The following IKZF2 variants were observed in gnomAD, a reference collection of about 807,000 sequenced individuals.
IKZF2 encodes the protein zinc finger protein Helios.
In IKZF2, 15 loss-of-function variants were observed where a neutral mutation model predicts 49.2. The ratio of observed to expected loss-of-function variants is 0.30; its 90% CI spans 0.20 to 0.47. The LOEUF is 0.47. Among genes scored for constraint, IKZF2 ranks in the 20% least tolerant of loss-of-function variants. IKZF2 has a pLI of 1.00. For missense variants in IKZF2, 567 were observed against 664.6 expected (o/e 0.85, Z 1.61); for synonymous variants, 227 against 221.4 (o/e 1.03, Z -0.23).
intron 4 of IKZF2, among the ~76,000 whole-genome samples, chr2:213,070,731 G>T (rs1271329435): frequency 6.6e-6 from 1 of 152,114 alleles, no homozygotes; most frequent in Non-Finnish European, 1.5e-5. Flanking sequence ...TGGGAGCACG[G>T]TCTCAGTGCA....
At chr2:213,106,984 A>G (rs1436681074) in intron 4 of IKZF2, among the ~76,000 whole-genome samples, 1 of 152,224 alleles carries the variant, frequency 6.6e-6, no homozygotes, top group Admixed American at 6.5e-5. Context: ...AACAGCAGAT[A>G]TATCATGCTG....
At chr2:213,021,358 C>T (rs1454243081) in intron 7 of IKZF2, 1 of 153,846 alleles carries the variant, frequency 6.5e-6, no homozygotes, top group Non-Finnish European at 1.4e-5. Context: ...CATTACAAAT[C>T]TTAAGAACTG....
Position 213,151,148 on chromosome 2 carries a change from C to T in IKZF2, c.-120+265G>A, listed in dbSNP as rs557095749. 8.1e-4 allele frequency among the ~76,000 whole-genome samples: 123 copies of T among 152,118 alleles called. 1 individual carries two copies. The Middle Eastern group carries it at 0.014, about 17-fold the overall frequency. ...ATCATCTTCAACCCGATTCCCTGAGCGTCCTTTACAAAAATCATTACCCTA... is the reference window on the plus strand; with the variant it reads ...ATCATCTTCAACCCGATTCCCTGAGTGTCCTTTACAAAAATCATTACCCTA... On this transcript the variant is annotated intron_variant, in intron 1 of 8. Coordinates refer to ENST00000434687, the MANE Select transcript of IKZF2 (RefSeq NM_001387220.1).
At chr2:213,084,598 A>C (rs1704353374) in intron 4 of IKZF2, among the ~76,000 whole-genome samples, 1 of 26,606 alleles carries the variant, frequency 3.8e-5, no homozygotes, top group Non-Finnish European at 6.6e-5. Context: ...CACTCTAAAA[A>C]AGAAATTGAA....
At position 213,056,989 on chromosome 2, in the gene IKZF2, G is replaced by C. The variant is rs1372102191; in HGVS notation, c.250C>G (p.Leu84Val). ...HDEGSSLEEP[L>V]IESSEVADNR... Reference sequence around the variant, plus strand: ...TCAGCCACCTCGCTGCTCTCAATTAGGGGTTCTTCTAGGCTGCTACCCTCA... The same window carrying C: ...TCAGCCACCTCGCTGCTCTCAATTACGGGTTCTTCTAGGCTGCTACCCTCA... The change falls in exon 5 of 9, where the codon CTA (leucine) becomes GTA (valine). Residue 84 changes from leucine (L) to valine (V), a missense_variant. Transcript: ENST00000434687. 6.2e-7 allele frequency: 1 copy of C among 1,613,844 alleles called. No individual in the cohort carries two copies. Among genetic ancestry groups the C allele is most frequent in the East Asian group, 2.2e-5 (1 of 44,864 alleles).
chr2:213,017,708 CT>C (rs1160235610), intron 7 of IKZF2, among the ~76,000 whole-genome samples: 1 of 152,116 alleles, frequency 6.6e-6, no homozygotes, highest in Non-Finnish European at 1.5e-5. Context: ...CACATTTTTG[CT>C]TTTTAAAACT....
chr2:213,123,680 GGGTTTGGTTT>G (rs900768199), intron 4 of IKZF2, among the ~76,000 whole-genome samples: 1 of 152,082 alleles, frequency 6.6e-6, no homozygotes, highest in Non-Finnish European at 1.5e-5. Flanking sequence ...AATAAATTCA[GGGTTTGGTTT>G]GGTTTGGTTT....
At chr2:213,111,476 G>A (rs2125772517) in intron 4 of IKZF2, among the ~76,000 whole-genome samples, 1 of 152,086 alleles carries the variant, frequency 6.6e-6, no homozygotes, top group South Asian at 2.1e-4. Flanking sequence ...TCTTTCAGCT[G>A]ATTCTCTGCA....
chr2:213,119,241 G>A (rs2059972732), intron 4 of IKZF2, among the ~76,000 whole-genome samples: 1 of 152,132 alleles, frequency 6.6e-6, no homozygotes, highest in South Asian at 2.1e-4. Flanking sequence ...AATAGTAAAA[G>A]GGGCCCCAAA....
At chr2:213,142,251 GACAA>G (rs900029587) in intron 4 of IKZF2, among the ~76,000 whole-genome samples, 1 of 151,632 alleles carries the variant, frequency 6.6e-6, no homozygotes, top group African/African-American at 2.4e-5. Flanking sequence ...CTGACATATA[GACAA>G]ACTCTATTTC....
chr2:213,097,674 A>C (rs939350128), intron 4 of IKZF2, among the ~76,000 whole-genome samples: 1 of 152,104 alleles, frequency 6.6e-6, no homozygotes, highest in Non-Finnish European at 1.5e-5. Context: ...TGTGACTCCT[A>C]TATTACGGGT....
chr2:213,103,183 C>T (rs1049618189), intron 4 of IKZF2, among the ~76,000 whole-genome samples: 6 of 152,104 alleles, frequency 3.9e-5, no homozygotes, highest in Non-Finnish European at 5.9e-5. Context: ...TTTATTCATA[C>T]AAGGTCACTC....
At chr2:213,095,666 A>G (rs576735876) in intron 4 of IKZF2, among the ~76,000 whole-genome samples, 1 of 152,218 alleles carries the variant, frequency 6.6e-6, no homozygotes, top group African/African-American at 2.4e-5. Flanking sequence ...TTTTAAATCT[A>G]GTTTTACTGA....
At chr2:213,065,474 C>T (rs972667622) in intron 4 of IKZF2, among the ~76,000 whole-genome samples, 10 of 151,970 alleles carry the variant, frequency 6.6e-5, no homozygotes, top group Non-Finnish European at 4.4e-5. Context: ...TTTTAAATTA[C>T]GAAGACCTCA....
chr2:213,110,614 C>T (rs2059675253), intron 4 of IKZF2, among the ~76,000 whole-genome samples: 2 of 151,972 alleles, frequency 1.3e-5, no homozygotes, highest in South Asian at 4.1e-4. Flanking sequence ...ATATGAAAAA[C>T]AATGCTGCAA....
intron 4 of IKZF2, among the ~76,000 whole-genome samples, chr2:213,094,993 G>A (rs1345386761): frequency 1.3e-5 from 2 of 152,126 alleles, no homozygotes; most frequent in African/African-American, 2.4e-5. Flanking sequence ...AGTGGTATAT[G>A]AGAATTATGA....
chr2:213,143,294 G>C (rs2060935552), intron 4 of IKZF2, among the ~76,000 whole-genome samples: 1 of 151,846 alleles, frequency 6.6e-6, no homozygotes, highest in Non-Finnish European at 1.5e-5. Context: ...CAAAGATAGA[G>C]ATGATAAGGA....
chr2:213,028,914 A>G (rs760885205), intron 6 of IKZF2, among the ~76,000 whole-genome samples: 3 of 152,094 alleles, frequency 2.0e-5, no homozygotes, highest in Non-Finnish European at 2.9e-5. Flanking sequence ...CTGAAACTTT[A>G]AAGACAGACT....
chr2:213,125,800 C>T (rs1252951248), intron 4 of IKZF2, among the ~76,000 whole-genome samples: 1 of 151,838 alleles, frequency 6.6e-6, no homozygotes. Context: ...GTATTATATG[C>T]ACCCAAGAAC....
Sources: allele counts gnomAD v4.1 joint callset (sites outside exome capture counted in the v4.1 genomes callset), GRCh38; gene constraint gnomAD v4.1.1; transcripts MANE v1.5; gene names NCBI Gene and HGNC (gene_info 2026-07-23, HGNC 2026-07-21).